The following MACF1 variants were observed in gnomAD, a reference collection of about 807,000 sequenced individuals.
MACF1 encodes microtubule actin crosslinking factor 1, also known as microtubule-actin cross-linking factor 1.
In MACF1, 193 loss-of-function variants were observed where a neutral mutation model predicts 854.8. The ratio of observed to expected loss-of-function variants is 0.23; its 90% CI spans 0.20 to 0.25. The LOEUF is 0.25. MACF1 is among the 10% of genes least tolerant of loss of function. The pLI is 1.00. For missense variants in MACF1, 7,722 were observed against 8,929.1 expected (o/e 0.86, Z 5.45); for synonymous variants, 3,185 against 3,226.7 (o/e 0.99, Z 0.44).
intron 70 of MACF1, among the ~76,000 whole-genome samples, chr1:39,437,493 G>A (rs1007304055): frequency 6.6e-6 from 1 of 151,852 alleles, no homozygotes; most frequent in Non-Finnish European, 1.5e-5. Context: ...TGTATTTTTA[G>A]TAGGGACGGC....
At chr1:39,380,503 G>A in intron 55 of MACF1, 130 bp downstream of exon 55, 1 of 884,236 alleles carries the variant, frequency 1.1e-6, no homozygotes, top group Non-Finnish European at 1.7e-6. Flanking sequence ...TTAGGATCCA[G>A]ATAGGGCCAG....
At chr1:39,318,682 T>C (rs112651447) in intron 30 of MACF1, 67 bp downstream of exon 30, 2 of 1,439,036 alleles carry the variant, frequency 1.4e-6, no homozygotes, top group Non-Finnish European at 1.8e-6. Context: ...TAAAAGAAAA[T>C]GATGTACTGG....
At chr1:39,201,105 C>A (rs969550280), upstream of MACF1, among the ~76,000 whole-genome samples, 2 of 152,180 alleles carry the variant, frequency 1.3e-5, no homozygotes, top group Non-Finnish European at 2.9e-5. Context: ...TTCAATTTCT[C>A]AGGCCAACAT....
intron 40 of MACF1, among the ~76,000 whole-genome samples, chr1:39,344,396 G>T (rs1464786783): frequency 2.0e-5 from 3 of 150,124 alleles, no homozygotes; most frequent in Admixed American, 1.3e-4. Context: ...CGTGCCACTG[G>T]ACTCCAGCCT....
At chr1:39,141,385 T>G (rs1643342603) in intron 2 of MACF1, among the ~76,000 whole-genome samples, 1 of 152,206 alleles carries the variant, frequency 6.6e-6, no homozygotes, top group Non-Finnish European at 1.5e-5. Flanking sequence ...GAGATGCTGA[T>G]GCTGCTGGTC....
At position 39,204,893 on chromosome 1, in the gene MACF1, T is replaced by C; in HGVS notation, c.-130T>C. ...GGAGGAGAAGCTGCCAGGAAGTTTC[T>C]GACAACACTAAGCTCCGGCCTCTGC... On this transcript the variant is annotated 5_prime_UTR_variant, in exon 1 of 101. The change abolishes the stop of an existing upstream ORF in the 5' untranslated region. Transcript: ENST00000564288. The C allele has an allele frequency of 3.2e-6, 2 of 618,206 alleles. No individual in the cohort carries two copies. Among genetic ancestry groups the C allele is most frequent in the South Asian group, 3.9e-5 (2 of 51,940 alleles). The allele number at this position is 618,206 out of a possible 1,614,324, so 38.3% of individuals were successfully genotyped here. A position where few individuals can be genotyped will look rare whatever the true frequency, so the allele number is the denominator to read the frequency against.
intron 30 of MACF1, among the ~76,000 whole-genome samples, chr1:39,319,045 G>A (rs1410511479): frequency 6.6e-6 from 1 of 151,478 alleles, no homozygotes; most frequent in East Asian, 1.9e-4. Context: ...TAGCATTATG[G>A]TTAAGAGTAT....
At chr1:39,307,058 A>T (rs1033897613) in intron 23 of MACF1, among the ~76,000 whole-genome samples, 1 of 151,658 alleles carries the variant, frequency 6.6e-6, no homozygotes, top group African/African-American at 2.4e-5. Flanking sequence ...TATTTTTAGT[A>T]AAGACAGGGT....
At chr1:39,363,537 T>C (rs980039532) in intron 49 of MACF1, among the ~76,000 whole-genome samples, 3 of 152,182 alleles carry the variant, frequency 2.0e-5, no homozygotes. Context: ...TCTTTGTTTT[T>C]TAAACCATAC....
At chr1:39,446,900 C>CTCT (rs1254095528) in intron 80 of MACF1, among the ~76,000 whole-genome samples, 1 of 152,102 alleles carries the variant, frequency 6.6e-6, no homozygotes, top group African/African-American at 2.4e-5. Flanking sequence ...CTTTCGTTAC[C>CTCT]TCTTCTTCTT....
At chr1:39,263,784 T>TTTTC (rs1645196090) in intron 6 of MACF1, among the ~76,000 whole-genome samples, 3 of 139,374 alleles carry the variant, frequency 2.2e-5, no homozygotes, top group Non-Finnish European at 3.1e-5. Context: ...TTTTTTTTTT[T>TTTTC]TTTTTTTGAG....
intron 2 of MACF1, among the ~76,000 whole-genome samples, chr1:39,109,664 T>C (rs1044901727): frequency 6.6e-6 from 1 of 152,174 alleles, no homozygotes; most frequent in Non-Finnish European, 1.5e-5. Context: ...CGTTGATTTA[T>C]ATCTTATTTA....
chr1:39,420,904 T>C (rs1159688176), intron 58 of MACF1, among the ~76,000 whole-genome samples: 1 of 150,530 alleles, frequency 6.6e-6, no homozygotes, highest in Non-Finnish European at 1.5e-5. Flanking sequence ...CTTGCTCTGT[T>C]GCCCAGGCTG....
chr1:39,293,701 G>A (rs1571282807), intron 18 of MACF1, 82 bp downstream of exon 18: 4 of 1,299,378 alleles, frequency 3.1e-6, no homozygotes, highest in Admixed American at 2.2e-5. Flanking sequence ...TGAAAGCTTG[G>A]GTGGCTGGAG....
rs111288196 is a variant in MACF1 at position 39,435,602 on chromosome 1, A to G, written c.17829A>G (p.Lys5943=). ...SIAEHKPHID[K]LLKIGPQLKE... Reference sequence around the variant, plus strand: ...CTGAACACAAACCTCATATTGACAAACTACTAAAGATAGGCCCACAACTAA... The same window carrying G: ...CTGAACACAAACCTCATATTGACAAGCTACTAAAGATAGGCCCACAACTAA... The change falls in exon 70 of 101, where the codon AAA becomes AAG. Residue 5943 remains lysine, a synonymous_variant. Transcript: ENST00000564288. 6.2e-7 allele frequency: 1 copy of G among 1,614,098 alleles called. No homozygotes were observed. The highest frequency in any genetic ancestry group is 1.3e-5 in the African/African-American group (1 of 74,946).
chr1:39,414,363 A>G, intron 58 of MACF1: 1 of 1,613,964 alleles, frequency 6.2e-7, no homozygotes, highest in Non-Finnish European at 8.5e-7. Flanking sequence ...CCTCCACTGG[A>G]ATGTGGATCA....
At chr1:39,233,524 GTCT>G (rs1360981585) in intron 2 of MACF1, among the ~76,000 whole-genome samples, 3 of 152,138 alleles carry the variant, frequency 2.0e-5, no homozygotes, top group Non-Finnish European at 4.4e-5. Context: ...ATGGGCTTAG[GTCT>G]TCTTTTCCTC....
intron 6 of MACF1, among the ~76,000 whole-genome samples, chr1:39,278,501 T>TG (rs1348124202): frequency 6.6e-6 from 1 of 152,248 alleles, no homozygotes; most frequent in Non-Finnish European, 1.5e-5. Flanking sequence ...AGAAAGATTA[T>TG]GGCTGTAATG....
intron 59 of MACF1, 24 bp downstream of exon 59, chr1:39,422,559 T>C (rs1422061906): frequency 1.9e-6 from 3 of 1,590,812 alleles, no homozygotes; most frequent in South Asian, 1.1e-5. Flanking sequence ...GGGTAGCAAG[T>C]GTACTGGAAA....
Sources: gnomAD v4.1 joint callset for allele counts (sites outside exome capture counted in the v4.1 genomes callset) on GRCh38, gnomAD v4.1.1 for gene constraint, MANE v1.5 for transcripts, NCBI Gene and HGNC (gene_info 2026-07-23, HGNC 2026-07-21) for gene names.